PRIMPOL: variants seen among roughly 807,000 people sequenced by gnomAD.
PRIMPOL encodes DNA-directed primase/polymerase protein.
In PRIMPOL, 54 loss-of-function variants were observed where a neutral mutation model predicts 63.6. The observed-to-expected ratio is 0.85, with a 90% CI of 0.68 to 1.07. The LOEUF (loss-of-function observed/expected upper bound fraction) is 1.07, where lower values mean the gene tolerates loss of function less well. Ranked by LOEUF, PRIMPOL falls within the 50% of genes least tolerant of loss-of-function variation. The probability of loss-of-function intolerance (pLI) is 0.00; values close to 1 mark genes in which losing one functional copy is unlikely to be tolerated. For synonymous variants in PRIMPOL, 197 were observed against 220.2 expected, an observed-to-expected ratio of 0.89 and a Z score of 0.93; for missense variants, 610 against 648.3, an observed-to-expected ratio of 0.94 and a Z score of 0.64.
chr4:184,667,143 A>G (rs1162325550), intron 6 of PRIMPOL, among the ~76,000 whole-genome samples: 1 of 152,154 alleles, frequency 6.6e-6, no homozygotes, highest in Non-Finnish European at 1.5e-5. Flanking sequence ...GATTAGGGGA[A>G]GGTGGCCACA....
intron 6 of PRIMPOL, 102 bp downstream of exon 6, chr4:184,666,166 T>A: frequency 1.2e-6 from 1 of 866,188 alleles, no homozygotes; most frequent in Non-Finnish European, 1.7e-6. Context: ...TTATGGTCAT[T>A]AACTTATCCT....
intron 5 of PRIMPOL, among the ~76,000 whole-genome samples, chr4:184,662,437 A>G (rs936086168): frequency 6.6e-6 from 1 of 152,198 alleles, no homozygotes; most frequent in African/African-American, 2.4e-5. Context: ...GTCTAAAAAT[A>G]TAGTTACTAT....
At chr4:184,684,596 A>C (rs562725163) in intron 9 of PRIMPOL, among the ~76,000 whole-genome samples, 3 of 152,264 alleles carry the variant, frequency 2.0e-5, no homozygotes, top group Non-Finnish European at 4.4e-5. Flanking sequence ...AGGTCAGCTG[A>C]GTGTATTGCC....
At chr4:184,669,767 G>C (rs1751069553) in intron 6 of PRIMPOL, among the ~76,000 whole-genome samples, 1 of 152,226 alleles carries the variant, frequency 6.6e-6, no homozygotes, top group African/African-American at 2.4e-5. Context: ...GAATGGTCTA[G>C]TGTGGCTAGA....
intron 6 of PRIMPOL, among the ~76,000 whole-genome samples, chr4:184,666,763 C>T (rs560536995): frequency 4.6e-5 from 7 of 152,306 alleles, no homozygotes; most frequent in African/African-American, 1.4e-4. Context: ...CAGGTCGTAT[C>T]AAAGATGGCT....
At chr4:184,657,406 A>T (rs1253044289) in intron 3 of PRIMPOL, 86 bp downstream of exon 3, 19 of 817,890 alleles carry the variant, frequency 2.3e-5, no homozygotes, top group Middle Eastern at 2.9e-4. Flanking sequence ...TCAGTTCTTT[A>T]AAAAAAAAAG....
chr4:184,654,336 A>G (rs547773580), intron 2 of PRIMPOL, among the ~76,000 whole-genome samples: 13 of 152,310 alleles, frequency 8.5e-5, no homozygotes, highest in African/African-American at 2.2e-4. Context: ...CAGTTTCTCA[A>G]TTAGGTTTAT....
At chr4:184,673,574 G>A (rs1293843372) in intron 7 of PRIMPOL, among the ~76,000 whole-genome samples, 2 of 151,550 alleles carry the variant, frequency 1.3e-5, no homozygotes, top group African/African-American at 2.4e-5. Context: ...ACAGGCATGC[G>A]CCACCACGCC....
chr4:184,694,806 C>A lies in PRIMPOL; in HGVS notation c.*27C>A. On this transcript the variant is annotated 3_prime_UTR_variant, in exon 14 of 14. Transcript: ENST00000314970. Reference sequence around the variant, plus strand: ...TAATTCACTATGAACACTTTTGTCACCAGGCTATAATTTGCCTGATGTCTG... The same window carrying A: ...TAATTCACTATGAACACTTTTGTCAACAGGCTATAATTTGCCTGATGTCTG... 1 of 1,571,406 alleles carries A rather than the reference C, an allele frequency of 6.4e-7. No individual in the cohort carries two copies. The highest frequency in any genetic ancestry group is 8.7e-7 in the Non-Finnish European group (1 of 1,144,826).
At chr4:184,685,754 T>C (rs1756824208) in intron 11 of PRIMPOL, 70 bp downstream of exon 11, 1 of 669,750 alleles carries the variant, frequency 1.5e-6, no homozygotes, top group East Asian at 3.3e-5. Flanking sequence ...CTTTTAAAGT[T>C]GCGAATATGA....
intron 13 of PRIMPOL, 38 bp from the exon 14 acceptor site, chr4:184,694,484 C>T (rs111245648): frequency 9.4e-6 from 15 of 1,588,920 alleles, no homozygotes; most frequent in Admixed American, 5.2e-5. Context: ...TAAATATTTT[C>T]CTATCCCACT....
chr4:184,673,935 G>T lies in PRIMPOL; in HGVS notation c.844+1475G>T, dbSNP rs1416247851. 1.3e-5 allele frequency among the ~76,000 whole-genome samples: 2 copies of T among 152,226 alleles called. 1 individual carries two copies. The highest frequency in any genetic ancestry group is 4.8e-5 in the African/African-American group (2 of 41,464). ...AGACAGAGGAGTGTGAGGTCGAGCA[G>T]CCACACGGGCAGAGGCACCTTCTTC... On this transcript the variant is annotated intron_variant, in intron 7 of 13. Coordinates refer to ENST00000314970, the MANE Select transcript of PRIMPOL (RefSeq NM_152683.4).
Position 184,678,330 on chromosome 4 carries a change from A to C in PRIMPOL, c.943A>C (p.Ile315Leu). Reference sequence around the variant, plus strand: ...TACTGAAGATAACAAATTTTTTCCTATACAGTCAAAAGATGTTTCTGACGA... The same window carrying C: ...TACTGAAGATAACAAATTTTTTCCTCTACAGTCAAAAGATGTTTCTGACGA... ...EVTEDNKFFP[I>L]QSKDVSDEYQ... The change falls in exon 8 of 14, where the codon ATA (isoleucine) becomes CTA (leucine). Residue 315 changes from isoleucine (I) to leucine (L), a missense_variant. Transcript: ENST00000314970. 6.2e-7 allele frequency: 1 copy of C among 1,608,564 alleles called. No individual in the cohort carries two copies. Among genetic ancestry groups the C allele is most frequent in the Non-Finnish European group, 8.5e-7 (1 of 1,178,050 alleles).
At chr4:184,667,271 C>T (rs1750190137) in intron 6 of PRIMPOL, among the ~76,000 whole-genome samples, 1 of 152,068 alleles carries the variant, frequency 6.6e-6, no homozygotes, top group Non-Finnish European at 1.5e-5. Flanking sequence ...GTCACCCATC[C>T]AAACCCAAAG....
At chr4:184,668,921 C>T (rs913225546) in intron 6 of PRIMPOL, among the ~76,000 whole-genome samples, 5 of 151,038 alleles carry the variant, frequency 3.3e-5, no homozygotes, top group East Asian at 2.0e-4. Flanking sequence ...TTATTAAAAG[C>T]GATTATAAAT....
intron 3 of PRIMPOL, among the ~76,000 whole-genome samples, chr4:184,658,897 G>A (rs1420602532): frequency 7.3e-6 from 1 of 136,368 alleles, no homozygotes; most frequent in Non-Finnish European, 1.5e-5. Flanking sequence ...AACAGAGCAA[G>A]ACTCTGTTTC....
chr4:184,677,589 G>A (rs28696121), intron 7 of PRIMPOL, among the ~76,000 whole-genome samples: 25,387 of 151,976 alleles, frequency 0.17, 2,439 homozygotes, highest in African/African-American at 0.26. Context: ...ATTCCTCTAA[G>A]TTTGTTCTTT....
At chr4:184,654,787 A>G (rs554357380) in intron 2 of PRIMPOL, among the ~76,000 whole-genome samples, 8 of 152,194 alleles carry the variant, frequency 5.3e-5, no homozygotes, top group Admixed American at 2.6e-4. Flanking sequence ...CATCTCCTCC[A>G]TCCAGTGAAT....
rs1358692060 is a variant in PRIMPOL at position 184,649,827 on chromosome 4, G to A, written c.-219G>A. 1.3e-5 allele frequency: 2 copies of A among 152,318 alleles called. No homozygotes were observed. Among genetic ancestry groups the A allele is most frequent in the Admixed American group, 1.3e-4 (2 of 15,284 alleles). 9.4% of individuals were successfully genotyped at this position (152,318 alleles called of 1,614,324 possible). ...CTTGGAAACCGCGCCAGGCCCAACG[G>A]GTACCTAGAAGGGAGACAAAGCCAG... On this transcript the variant is annotated 5_prime_UTR_variant, in exon 1 of 14. Coordinates refer to ENST00000314970, the MANE Select transcript of PRIMPOL (RefSeq NM_152683.4).
Sources: gnomAD v4.1 joint callset for allele counts (sites outside exome capture counted in the v4.1 genomes callset) on GRCh38, gnomAD v4.1.1 for gene constraint, MANE v1.5 for transcripts, NCBI Gene and HGNC (gene_info 2026-07-23, HGNC 2026-07-21) for gene names.